BET1: variants seen among roughly 807,000 people sequenced by gnomAD.
BET1 encodes BET1 homolog.
Under a neutral mutation model 13.9 loss-of-function variants are expected in BET1, and 9 were observed. The ratio of observed to expected loss-of-function variants is 0.65; its 90% CI spans 0.39 to 1.13. The LOEUF (loss-of-function observed/expected upper bound fraction) is 1.13, where lower values mean the gene tolerates loss of function less well. Among genes scored for constraint, BET1 ranks in the 50% most tolerant of loss-of-function variants. BET1 has a pLI of 0.01. For missense variants in BET1, 127 were observed against 133.6 expected, an observed-to-expected ratio of 0.95 and a Z score of 0.24; for synonymous variants, 39 against 47.3, an observed-to-expected ratio of 0.82 and a Z score of 0.72.
At chr7:93,975,965 C>G in exon 5 of BET1, 3 of 1,268,194 alleles carry the variant, frequency 2.4e-6, no homozygotes, top group Non-Finnish European at 3.1e-6. Flanking sequence ...TGATATAATT[C>G]TGCAGCTGTG....
intron 2 of BET1, among the ~76,000 whole-genome samples, 195 bp from the exon 3 acceptor site, chr7:93,996,516 A>G (rs1364193422): frequency 6.6e-6 from 1 of 151,954 alleles, no homozygotes; most frequent in South Asian, 2.1e-4. Flanking sequence ...CCTCCCAATT[A>G]TGGACATTTC....
intron 5 of BET1, among the ~76,000 whole-genome samples, chr7:93,975,666 C>T (rs1221772351): frequency 6.6e-6 from 1 of 152,020 alleles, no homozygotes; most frequent in African/African-American, 2.4e-5. Context: ...TGCATAGATA[C>T]TTAAATTGTC....
chr7:93,968,571 T>A (rs1201090146), intron 6 of BET1, among the ~76,000 whole-genome samples: 1 of 151,800 alleles, frequency 6.6e-6, no homozygotes, highest in African/African-American at 2.4e-5. Context: ...TTTATAATAA[T>A]CCTCAGAGTT....
At chr7:93,998,288 C>T (rs1795815847) in intron 2 of BET1, among the ~76,000 whole-genome samples, 1 of 152,090 alleles carries the variant, frequency 6.6e-6, no homozygotes, top group Non-Finnish European at 1.5e-5. Flanking sequence ...GTGCAGGATG[C>T]AAGTTTTAAA....
exon 5 of BET1, chr7:93,975,950 T>C: frequency 8.0e-7 from 1 of 1,246,958 alleles, no homozygotes; most frequent in Non-Finnish European, 1.0e-6. Context: ...TATTTTGACA[T>C]GTCATGATAT....
chr7:93,963,542 T>C (rs1341645690), exon 7 of BET1: 1 of 152,140 alleles, frequency 6.6e-6, no homozygotes, highest in Non-Finnish European at 1.5e-5. Context: ...TTGACTACTA[T>C]ATCTGCAGAA....
chr7:93,991,668 G>GGA (rs547433022), downstream of BET1: 1,170 of 374,640 alleles, frequency 3.1e-3, 7 homozygotes, highest in Middle Eastern at 0.016. Context: ...AAACTGAGAT[G>GGA]GAGAGGTCAT....
At chr7:94,002,463 A>ATT in intron 1 of BET1, among the ~76,000 whole-genome samples, 1 of 143,838 alleles carries the variant, frequency 7.0e-6, no homozygotes, top group East Asian at 1.9e-4. Context: ...TTTTTTAAAA[A>ATT]AAAAAAAAAA....
intron 4 of BET1, among the ~76,000 whole-genome samples, chr7:93,981,202 A>T (rs1795422251): frequency 1.3e-5 from 2 of 152,190 alleles, no homozygotes; most frequent in African/African-American, 4.8e-5. Context: ...TTTCACAGTG[A>T]CCAACTCTTC....
At chr7:93,964,622 C>G (rs567934925) in exon 7 of BET1, 4 of 151,714 alleles carry the variant, frequency 2.6e-5, no homozygotes, top group Admixed American at 1.3e-4. Flanking sequence ...TAAATCGATA[C>G]GCAAAAAAAC....
intron 4 of BET1, among the ~76,000 whole-genome samples, chr7:93,977,099 T>C (rs1176353307): frequency 6.6e-6 from 1 of 152,106 alleles, no homozygotes; most frequent in Non-Finnish European, 1.5e-5. Flanking sequence ...AGCTCTTGTA[T>C]CTTCCTTGTT....
chr7:93,978,420 ATC>A (rs1420578802), intron 4 of BET1, among the ~76,000 whole-genome samples: 1 of 152,072 alleles, frequency 6.6e-6, no homozygotes, highest in African/African-American at 2.4e-5. Flanking sequence ...ACTTGGAAAG[ATC>A]TCTCTGGTTC....
At chr7:93,980,064 T>C (rs1245099041) in intron 4 of BET1, among the ~76,000 whole-genome samples, 1 of 152,138 alleles carries the variant, frequency 6.6e-6, no homozygotes, top group Admixed American at 6.6e-5. Flanking sequence ...ACCTACAGTC[T>C]ACCAATACTG....
downstream of BET1, chr7:93,992,425 T>G (rs1795654553): frequency 1.0e-6 from 1 of 985,398 alleles, no homozygotes; most frequent in African/African-American, 1.7e-5. Context: ...CCATTGTTGA[T>G]TCTCCTGTTT....
At chr7:93,972,150 G>A (rs976348520) in intron 6 of BET1, among the ~76,000 whole-genome samples, 1 of 151,736 alleles carries the variant, frequency 6.6e-6, no homozygotes, top group East Asian at 1.9e-4. Context: ...GATTGTATAC[G>A]AAGTGTTAGC....
intron 4 of BET1, among the ~76,000 whole-genome samples, chr7:93,976,922 A>G (rs1269989585): frequency 1.3e-5 from 2 of 152,052 alleles, no homozygotes; most frequent in African/African-American, 4.8e-5. Flanking sequence ...GTGAGAAGAG[A>G]AGATATTTGG....
At chr7:93,974,154 T>C (rs1389570897) in intron 5 of BET1, among the ~76,000 whole-genome samples, 1 of 152,020 alleles carries the variant, frequency 6.6e-6, no homozygotes, top group African/African-American at 2.4e-5. Context: ...ATAAACCCTG[T>C]AGTATTGGAT....
intron 4 of BET1, among the ~76,000 whole-genome samples, chr7:93,985,434 G>A (rs1795508220): frequency 6.6e-6 from 1 of 152,138 alleles, no homozygotes; most frequent in Admixed American, 6.5e-5. Context: ...TACATAAAGT[G>A]TTCAGAACTG....
At chr7:94,003,510 T>C (rs1473127106) in intron 1 of BET1, among the ~76,000 whole-genome samples, 1 of 152,200 alleles carries the variant, frequency 6.6e-6, no homozygotes, top group Non-Finnish European at 1.5e-5. Context: ...AAAATGCCGT[T>C]CTAGTAGCTG....
Sources: allele counts gnomAD v4.1 joint callset (sites outside exome capture counted in the v4.1 genomes callset), GRCh38; gene constraint gnomAD v4.1.1; transcripts MANE v1.5; gene names NCBI Gene and HGNC (gene_info 2026-07-23, HGNC 2026-07-21).